The following UNC5D variants were observed in gnomAD, a reference collection of about 807,000 sequenced individuals.
UNC5D encodes the protein unc-5 netrin receptor D.
UNC5D carries 39 observed loss-of-function variants against 105.4 expected under a neutral mutation model. The observed-to-expected ratio is 0.37, with a 90% CI of 0.29 to 0.48. The LOEUF is 0.48. Among genes scored for constraint, UNC5D ranks in the 20% least tolerant of loss-of-function variants. UNC5D has a pLI of 0.98. For missense variants in UNC5D, 991 were observed against 1,202.4 expected, an observed-to-expected ratio of 0.82 and a Z score of 2.60; for synonymous variants, 452 against 450.4, an observed-to-expected ratio of 1.00 and a Z score of -0.04.
intron 1 of UNC5D, among the ~76,000 whole-genome samples, chr8:35,328,102 C>T (rs539638694): frequency 2.0e-5 from 3 of 152,090 alleles, no homozygotes; most frequent in Admixed American, 1.3e-4. Context: ...GTGGGTGACC[C>T]CTCCACCTCC....
chr8:35,375,234 G>A (rs919130335), intron 1 of UNC5D, among the ~76,000 whole-genome samples: 1 of 152,188 alleles, frequency 6.6e-6, no homozygotes, highest in Non-Finnish European at 1.5e-5. Flanking sequence ...CTCTGTGTAA[G>A]ACTCTGTCTG....
At chr8:35,264,659 G>A (rs1268774970) in intron 1 of UNC5D, among the ~76,000 whole-genome samples, 1 of 151,852 alleles carries the variant, frequency 6.6e-6, no homozygotes, top group African/African-American at 2.4e-5. Context: ...GAACCCCGGA[G>A]GCGGAGGTTG....
intron 1 of UNC5D, among the ~76,000 whole-genome samples, chr8:35,268,515 A>T (rs1184802005): frequency 2.0e-5 from 3 of 152,134 alleles, no homozygotes; most frequent in Non-Finnish European, 4.4e-5. Flanking sequence ...TGCATATTAA[A>T]TCACATTTCT....
intron 8 of UNC5D, among the ~76,000 whole-genome samples, chr8:35,706,975 G>A (rs1170573570): frequency 6.6e-6 from 1 of 152,202 alleles, no homozygotes; most frequent in East Asian, 1.9e-4. Flanking sequence ...TCATTAGTAG[G>A]AGATTAGACA....
intron 1 of UNC5D, among the ~76,000 whole-genome samples, chr8:35,327,859 A>C (rs1267815558): frequency 6.6e-6 from 1 of 152,208 alleles, no homozygotes; most frequent in Non-Finnish European, 1.5e-5. Context: ...AGAGATTCGG[A>C]TGTTTGAGGT....
At chr8:35,471,343 A>G (rs1809709066) in intron 1 of UNC5D, among the ~76,000 whole-genome samples, 1 of 152,216 alleles carries the variant, frequency 6.6e-6, no homozygotes, top group South Asian at 2.1e-4. Context: ...GGAATAGAGA[A>G]TTGAGGAATT....
intron 1 of UNC5D, among the ~76,000 whole-genome samples, chr8:35,324,568 T>G (rs1435955757): frequency 1.3e-5 from 2 of 152,226 alleles, no homozygotes; most frequent in African/African-American, 4.8e-5. Context: ...GCATTTCTCA[T>G]AGGTAACTGC....
At chr8:35,260,035 G>A (rs1804366359) in intron 1 of UNC5D, among the ~76,000 whole-genome samples, 1 of 152,152 alleles carries the variant, frequency 6.6e-6, no homozygotes, top group Non-Finnish European at 1.5e-5. Context: ...GAAAACGACT[G>A]CCTCCTTCTT....
intron 16 of UNC5D, among the ~76,000 whole-genome samples, chr8:35,779,898 T>A (rs1318308680): frequency 1.3e-5 from 2 of 152,208 alleles, no homozygotes; most frequent in African/African-American, 4.8e-5. Flanking sequence ...CCTCAGATCT[T>A]AACAGTACCT....
chr8:35,440,647 C>G (rs891343085), intron 1 of UNC5D, among the ~76,000 whole-genome samples: 1 of 151,908 alleles, frequency 6.6e-6, no homozygotes, highest in Non-Finnish European at 1.5e-5. Context: ...CATCTCCTCC[C>G]CAAAGCCTTC....
intron 6 of UNC5D, among the ~76,000 whole-genome samples, chr8:35,685,465 A>G (rs905359265): frequency 2.6e-5 from 4 of 152,160 alleles, no homozygotes; most frequent in Admixed American, 2.0e-4. Context: ...CATGCACTAC[A>G]GAACATTAAC....
chr8:35,289,387 A>T (rs1410329619), intron 1 of UNC5D, among the ~76,000 whole-genome samples: 1 of 152,234 alleles, frequency 6.6e-6, no homozygotes, highest in Non-Finnish European at 1.5e-5. Context: ...GAAGGGACAG[A>T]TAGATTGCAA....
intron 1 of UNC5D, among the ~76,000 whole-genome samples, chr8:35,391,169 G>C (rs1356262831): frequency 6.6e-6 from 1 of 152,194 alleles, no homozygotes; most frequent in Non-Finnish European, 1.5e-5. Context: ...TGGTTCTGCT[G>C]AAGCAACATA....
At chr8:35,466,736 A>G (rs1809333496) in intron 1 of UNC5D, among the ~76,000 whole-genome samples, 1 of 152,210 alleles carries the variant, frequency 6.6e-6, no homozygotes, top group African/African-American at 2.4e-5. Context: ...TTATGTAATG[A>G]GAATTTCATT....
chr8:35,279,418 C>T (rs1805994250), intron 1 of UNC5D, among the ~76,000 whole-genome samples: 1 of 152,194 alleles, frequency 6.6e-6, no homozygotes, highest in Non-Finnish European at 1.5e-5. Context: ...TGAACTTTTA[C>T]AATATCCAGA....
chr8:35,349,471 A>G lies in UNC5D; in HGVS notation c.103+113584A>G, dbSNP rs1812051913. Among the ~76,000 whole-genome samples, 5 of 152,118 alleles carry G rather than the reference A, an allele frequency of 3.3e-5. 1 individual carries two copies. The South Asian group carries it at 1.0e-3, about 32-fold the overall frequency. On this transcript the variant is annotated intron_variant, in intron 1 of 16. Coordinates refer to ENST00000404895, the MANE Select transcript of UNC5D (RefSeq NM_080872.4). ...CTGATTTCATCAGAAAAGCTTTTGT[A>G]TATTAGAAAGCTATAAAGTTCAGAG...
At chr8:35,736,604 T>C (rs1829482290) in intron 11 of UNC5D, among the ~76,000 whole-genome samples, 1 of 152,162 alleles carries the variant, frequency 6.6e-6, no homozygotes, top group Admixed American at 6.6e-5. Context: ...TTTAAATGAA[T>C]GATCATATTG....
intron 2 of UNC5D, among the ~76,000 whole-genome samples, chr8:35,558,234 A>G (rs546587219): frequency 6.6e-6 from 1 of 152,198 alleles, no homozygotes; most frequent in Admixed American, 6.5e-5. Flanking sequence ...ACAGAGTGAC[A>G]GACACATACA....
chr8:35,407,870 C>A (rs774232531), intron 1 of UNC5D, among the ~76,000 whole-genome samples: 1 of 152,094 alleles, frequency 6.6e-6, no homozygotes. Context: ...GACATGATCT[C>A]TTTCTTTTTT....
Sources: gnomAD v4.1 joint callset for allele counts (sites outside exome capture counted in the v4.1 genomes callset) on GRCh38, gnomAD v4.1.1 for gene constraint, MANE v1.5 for transcripts, NCBI Gene and HGNC (gene_info 2026-07-23, HGNC 2026-07-21) for gene names.